OPHN1: variants seen among roughly 807,000 people sequenced by gnomAD.
OPHN1 encodes the protein oligophrenin 1.
In OPHN1, 11 loss-of-function variants were observed where a neutral mutation model predicts 60.7. The observed-to-expected ratio is 0.18, with a 90% confidence interval of 0.11 to 0.30. The LOEUF is 0.30. Among genes scored for constraint, OPHN1 ranks in the 10% least tolerant of loss-of-function variants. The probability of loss-of-function intolerance (pLI) is 1.00; values close to 1 mark genes in which losing one functional copy is unlikely to be tolerated. For missense variants in OPHN1, 449 were observed against 611.0 expected (o/e 0.73, Z 2.80); for synonymous variants, 226 against 222.6 (o/e 1.02, Z -0.14).
intron 4 of OPHN1, among the ~76,000 whole-genome samples, chrX:68,281,632 G>T (rs973844583): frequency 1.2e-4 from 13 of 111,651 alleles, no homozygotes; most frequent in Non-Finnish European, 2.3e-4. Flanking sequence ...AAAATAAAAA[G>T]ACAAGCCACA....
intron 15 of OPHN1, among the ~76,000 whole-genome samples, chrX:68,189,423 G>A (rs957638463): frequency 9.1e-6 from 1 of 110,352 alleles, no homozygotes; most frequent in East Asian, 2.8e-4. Flanking sequence ...TGTTACATAT[G>A]TATACATGTG....
At chrX:68,391,388 C>G (rs1209978789) in intron 2 of OPHN1, among the ~76,000 whole-genome samples, 3 of 111,264 alleles carry the variant, frequency 2.7e-5, no homozygotes, top group Non-Finnish European at 5.6e-5. Context: ...CACTTTGTGA[C>G]AGAATACAGA....
chrX:68,263,208 G>A, intron 5 of OPHN1, among the ~76,000 whole-genome samples: 1 of 111,221 alleles, frequency 9.0e-6, no homozygotes, highest in East Asian at 2.8e-4. Context: ...TTCCTTCATT[G>A]CTTTCATCCT....
Position 68,184,760 on chromosome X carries a change from C to T in OPHN1, c.1276+8159G>A, listed in dbSNP as rs751634047. ...TACAGGCGCCCACCACCATGCCTGG[C>T]TAATTTTGTATTTTTAGTAGAGATG... On this transcript the variant is annotated intron_variant, in intron 15 of 24. Transcript: ENST00000355520. Among the ~76,000 whole-genome samples, 11 of 109,721 alleles carry T rather than the reference C, an allele frequency of 1.0e-4. No individual in the cohort carries two copies. In the East Asian group the frequency reaches 3.0e-3, roughly 30 times the overall value.
At chrX:68,337,729 G>T (rs1228464551) in intron 2 of OPHN1, among the ~76,000 whole-genome samples, 1 of 102,270 alleles carries the variant, frequency 9.8e-6, no homozygotes, top group African/African-American at 3.6e-5. Flanking sequence ...TATGTTAAAA[G>T]CTAAGTATGA....
At chrX:68,247,083 C>T (rs1489466897) in intron 5 of OPHN1, among the ~76,000 whole-genome samples, 1 of 111,446 alleles carries the variant, frequency 9.0e-6, no homozygotes. Flanking sequence ...GAGCCCTCCA[C>T]TTAGCATCCT....
intron 5 of OPHN1, among the ~76,000 whole-genome samples, chrX:68,259,510 T>C (rs900432909): frequency 2.7e-5 from 3 of 111,617 alleles, no homozygotes; most frequent in Non-Finnish European, 5.6e-5. Flanking sequence ...AAAGAGCACC[T>C]GCAGATCATT....
chrX:68,335,920 C>A (rs2147683529), intron 2 of OPHN1, among the ~76,000 whole-genome samples: 1 of 110,933 alleles, frequency 9.0e-6, no homozygotes, highest in African/African-American at 3.3e-5. Context: ...AAAGAGTAGA[C>A]TCCGCCTCAA....
intron 15 of OPHN1, among the ~76,000 whole-genome samples, chrX:68,168,746 T>C (rs1377968198): frequency 9.0e-6 from 1 of 111,672 alleles, no homozygotes; most frequent in Non-Finnish European, 1.9e-5. Flanking sequence ...ACAAAATTGA[T>C]AGACCACTAG....
chrX:68,384,615 G>A (rs750983931), intron 2 of OPHN1, among the ~76,000 whole-genome samples: 13 of 110,488 alleles, frequency 1.2e-4, no homozygotes, highest in South Asian at 3.9e-4. Context: ...CCAGCTACTC[G>A]GAAGGCTGAG....
At chrX:68,433,792 G>C, upstream of OPHN1, 1 of 297,806 alleles carries the variant, frequency 3.4e-6, no homozygotes, top group Non-Finnish European at 5.9e-6. Flanking sequence ...AGGAGGGCGA[G>C]AGCGCGACGC....
At chrX:68,336,673 AGTGTGTGTGTGT>A (rs758147589) in intron 2 of OPHN1, among the ~76,000 whole-genome samples, 1 of 104,970 alleles carries the variant, frequency 9.5e-6, no homozygotes, top group African/African-American at 3.5e-5. Context: ...TGTGTGTGAG[AGTGTGTGTGTGT>A]GTGTGTGTGT....
chrX:68,363,656 T>C (rs192387318), intron 2 of OPHN1, among the ~76,000 whole-genome samples: 59 of 111,518 alleles, frequency 5.3e-4, no homozygotes, highest in African/African-American at 1.9e-3. Context: ...TGGGAGAGTA[T>C]AGGTATAGAC....
At chrX:68,165,416 T>TAA (rs33932524) in intron 15 of OPHN1, among the ~76,000 whole-genome samples, 1 of 346 alleles carries the variant, frequency 2.9e-3, no homozygotes, top group African/African-American at 3.4e-3. Flanking sequence ...AATATTGCTG[T>TAA]CTCAGGGAAC....
At chrX:68,059,399 C>T (rs2076885042) in intron 21 of OPHN1, among the ~76,000 whole-genome samples, 1 of 111,508 alleles carries the variant, frequency 9.0e-6, no homozygotes. Context: ...CTTGTAGATT[C>T]CCCCAGTCAC....
intron 21 of OPHN1, among the ~76,000 whole-genome samples, chrX:68,055,467 G>A (rs1467784562): frequency 8.9e-6 from 1 of 112,294 alleles, no homozygotes; most frequent in East Asian, 2.8e-4. Flanking sequence ...GTGCTAGAGA[G>A]GACGTGGAGA....
At chrX:68,057,064 C>T (rs752541826) in intron 21 of OPHN1, among the ~76,000 whole-genome samples, 1 of 111,436 alleles carries the variant, frequency 9.0e-6, no homozygotes, top group African/African-American at 3.3e-5. Context: ...GTATTATCTC[C>T]GTTCTACAGC....
intron 15 of OPHN1, among the ~76,000 whole-genome samples, chrX:68,155,303 G>A (rs1196372913): frequency 9.0e-6 from 1 of 111,641 alleles, no homozygotes; most frequent in Non-Finnish European, 1.9e-5. Context: ...ATAGTAACCT[G>A]TATACTCAAG....
chrX:68,225,353 T>C (rs1015228488), intron 6 of OPHN1, among the ~76,000 whole-genome samples: 4 of 111,787 alleles, frequency 3.6e-5, no homozygotes, highest in Non-Finnish European at 7.5e-5. Context: ...TGTCCCTGTC[T>C]CACAGCTTTC....
Sources: gnomAD v4.1 joint callset for allele counts (sites outside exome capture counted in the v4.1 genomes callset) on GRCh38, gnomAD v4.1.1 for gene constraint, MANE v1.5 for transcripts, NCBI Gene and HGNC (gene_info 2026-07-23, HGNC 2026-07-21) for gene names.